Variants in HOGA1 observed in about 807,000 individuals in gnomAD.
The protein encoded by HOGA1 is 4-hydroxy-2-oxoglutarate aldolase, mitochondrial.
A neutral mutation model predicts 34.3 loss-of-function variants in HOGA1; 30 were observed. The observed-to-expected ratio is 0.87, with a 90% CI of 0.65 to 1.19. HOGA1 has a LOEUF of 1.19. Ranked by LOEUF, HOGA1 falls within the 50% of genes most tolerant of loss-of-function variation. The pLI is 0.00. For missense variants in HOGA1, 417 were observed against 436.5 expected (o/e 0.96, Z 0.40); for synonymous variants, 161 against 174.0 (o/e 0.93, Z 0.59).
rs1385619912 is a variant in HOGA1 at position 97,591,255 on chromosome 10, T to C, written c.211+6341T>C. Among the ~76,000 whole-genome samples, 4 of 152,068 alleles carry C rather than the reference T, an allele frequency of 2.6e-5. No homozygotes were observed. The East Asian group carries it at 7.8e-4, about 30-fold the overall frequency. ...GGAATGAGGGCCCCTGTCGTCTTGGTGCTATCTTTGCTCTCAAGTCATGTG... is the reference window on the plus strand; with the variant it reads ...GGAATGAGGGCCCCTGTCGTCTTGGCGCTATCTTTGCTCTCAAGTCATGTG... On this transcript the variant is annotated intron_variant, in intron 1 of 6. Transcript: ENST00000370646.
chr10:97,600,247 C>A, intron 5 of HOGA1, 84 bp downstream of exon 5: 1 of 1,165,370 alleles, frequency 8.6e-7, no homozygotes, highest in Non-Finnish European at 1.3e-6. Flanking sequence ...ATCGTGAGGG[C>A]TGGGGCTGGG....
chr10:97,596,978 T>C (rs1266378349), intron 1 of HOGA1, among the ~76,000 whole-genome samples: 1 of 152,218 alleles, frequency 6.6e-6, no homozygotes. Context: ...ATGTTTCCCT[T>C]TTAGCTCTGG....
At position 97,599,734 on chromosome 10, in the gene HOGA1, GGGC is replaced by G; in HGVS notation, c.524_526del (p.Gly175_Leu176delinsVal). 3 of 1,614,146 alleles carry G rather than the reference GGGC, an allele frequency of 1.9e-6. No homozygotes were observed. Among genetic ancestry groups the G allele is most frequent in the Non-Finnish European group, 2.5e-6 (3 of 1,180,004 alleles). On this transcript the variant is annotated inframe_deletion, in exon 4 of 7. Coordinates refer to ENST00000370646, the MANE Select transcript of HOGA1 (RefSeq NM_138413.4). ...GCTGTACAGTGTCCCAGCCAACACA[GGGC>G]TGGACCTGCCTGTGGATGCAGTGGT...
At chr10:97,601,808 C>T (rs766062374) in intron 5 of HOGA1, 49 bp from the exon 6 acceptor site, 18 of 1,610,624 alleles carry the variant, frequency 1.1e-5, no homozygotes, top group Middle Eastern at 2.2e-4. Context: ...GCTTGGGATG[C>T]CTGGAGGGGA....
intron 1 of HOGA1, chr10:97,589,802 TG>T: frequency 1.1e-6 from 1 of 891,340 alleles, no homozygotes; most frequent in Non-Finnish European, 1.8e-6. Flanking sequence ...TCTGCCTGCC[TG>T]GTGTAGGGTC....
intron 6 of HOGA1, among the ~76,000 whole-genome samples, chr10:97,610,797 C>CAA (rs147433445): frequency 3.6e-4 from 54 of 150,098 alleles, no homozygotes; most frequent in Non-Finnish European, 6.7e-4. Context: ...AAGACTGTCT[C>CAA]AAAAAAATAA....
At chr10:97,595,823 C>G (rs923015602) in intron 1 of HOGA1, among the ~76,000 whole-genome samples, 1 of 152,208 alleles carries the variant, frequency 6.6e-6, no homozygotes, top group African/African-American at 2.4e-5. Flanking sequence ...CTCTGCTTTT[C>G]TGCTTTTTCC....
At chr10:97,586,583 A>C (rs2040973166) in intron 1 of HOGA1, among the ~76,000 whole-genome samples, 1 of 152,150 alleles carries the variant, frequency 6.6e-6, no homozygotes, top group South Asian at 2.1e-4. Context: ...AAGCATTTTG[A>C]GCCTCTAAGT....
chr10:97,598,251 G>C (rs558164926), intron 1 of HOGA1, among the ~76,000 whole-genome samples: 1 of 152,328 alleles, frequency 6.6e-6, no homozygotes, highest in South Asian at 2.1e-4. Context: ...GCCTCCTAAA[G>C]TGCTGAAATT....
chr10:97,594,366 T>A (rs952286055), intron 1 of HOGA1, among the ~76,000 whole-genome samples: 1 of 149,894 alleles, frequency 6.7e-6, no homozygotes, highest in African/African-American at 2.4e-5. Context: ...ATTTTTTTTA[T>A]TTTTTTAAGA....
intron 1 of HOGA1, among the ~76,000 whole-genome samples, chr10:97,594,846 A>ATGGGGG (rs1802675296): frequency 2.0e-5 from 3 of 152,120 alleles, no homozygotes; most frequent in African/African-American, 7.2e-5. Flanking sequence ...AATCCCACAC[A>ATGGGGG]TGGGGGTGGG....
chr10:97,588,565 A>G (rs756311967), intron 1 of HOGA1, among the ~76,000 whole-genome samples: 3 of 152,218 alleles, frequency 2.0e-5, no homozygotes, highest in Non-Finnish European at 4.4e-5. Context: ...GGGTCATTAC[A>G]GAAGGGCTCT....
At chr10:97,590,482 C>T (rs773594540) in intron 1 of HOGA1, 2 of 1,613,472 alleles carry the variant, frequency 1.2e-6, no homozygotes, top group East Asian at 2.2e-5. Context: ...GTGCCAATCA[C>T]ACACACACCT....
In HOGA1 at chr10:97,612,236, G is replaced by A. The variant is rs1564762900; in HGVS notation, c.*577G>A. 6.5e-6 allele frequency: 1 copy of A among 152,978 alleles called. No individual in the cohort carries two copies. Among genetic ancestry groups the A allele is most frequent in the African/African-American group, 2.4e-5 (1 of 41,414 alleles). The allele number at this position is 152,978 out of a possible 1,614,324, so 9.5% of individuals were successfully genotyped here. ...GCTGGTCTTGAACTCCTGACCTCAG[G>A]TGATCCAACTGCCTCGGCCTCCCAA... is the stretch of plus-strand genomic sequence containing the variant. On this transcript the variant is annotated 3_prime_UTR_variant, in exon 7 of 7. Transcript: ENST00000370646.
At position 97,611,896 on chromosome 10, in the gene HOGA1, A is replaced by T; in HGVS notation, c.*237A>T. 3.6e-6 allele frequency: 2 copies of T among 562,004 alleles called. No individual in the cohort carries two copies. The highest frequency in any genetic ancestry group is 6.3e-6 in the Non-Finnish European group (2 of 315,744). The allele number at this position is 562,004 out of a possible 1,614,324, so 34.8% of individuals were successfully genotyped here. Reference sequence around the variant, plus strand: ...CCTAAACTGTGTCTCTGGTCTGAAGACTGGGAAGGAGCAATTTCTCAATTT... The same window carrying T: ...CCTAAACTGTGTCTCTGGTCTGAAGTCTGGGAAGGAGCAATTTCTCAATTT... On this transcript the variant is annotated 3_prime_UTR_variant, in exon 7 of 7. Transcript: ENST00000370646.
chr10:97,588,375 G>T (rs61863260), intron 1 of HOGA1, among the ~76,000 whole-genome samples: 17,138 of 150,240 alleles, frequency 0.11, 1,258 homozygotes, highest in Non-Finnish European at 0.17. Context: ...TTTTTTGTGT[G>T]TGTGTGTGTA....
intron 1 of HOGA1, among the ~76,000 whole-genome samples, chr10:97,585,779 C>T (rs778830294): frequency 1.3e-5 from 2 of 152,186 alleles, no homozygotes; most frequent in Non-Finnish European, 2.9e-5. Flanking sequence ...ACTATTTCAA[C>T]GGAGTGTCTG....
intron 1 of HOGA1, among the ~76,000 whole-genome samples, chr10:97,593,679 G>A (rs2041046490): frequency 6.6e-6 from 1 of 152,066 alleles, no homozygotes. Flanking sequence ...CAACACCTAT[G>A]CTAGGCACCA....
chr10:97,599,495 T>A (rs1176616239), intron 3 of HOGA1, 185 bp from the exon 4 acceptor site: 3 of 818,738 alleles, frequency 3.7e-6, no homozygotes, highest in Non-Finnish European at 6.1e-6. Flanking sequence ...GCGTGGCATA[T>A]GGAAAGCACT....
Sources: allele counts gnomAD v4.1 joint callset (sites outside exome capture counted in the v4.1 genomes callset), GRCh38; gene constraint gnomAD v4.1.1; transcripts MANE v1.5; gene names NCBI Gene and HGNC (gene_info 2026-07-23, HGNC 2026-07-21).